CGNL1: variants seen among roughly 807,000 people sequenced by gnomAD.
CGNL1 encodes the protein cingulin like 1.
CGNL1 carries 132 observed loss-of-function variants against 141.2 expected under a neutral mutation model. The ratio of observed to expected loss-of-function variants is 0.93; its 90% confidence interval spans 0.81 to 1.08. The LOEUF (loss-of-function observed/expected upper bound fraction) is 1.08, where lower values mean the gene tolerates loss of function less well. CGNL1 is among the 50% of genes least tolerant of loss of function. The pLI is 0.00. For missense variants in CGNL1, 1,870 were observed against 1,588.6 expected (o/e 1.18, Z -3.01); for synonymous variants, 690 against 622.1 (o/e 1.11, Z -1.63).
chr15:57,530,642 G>A (rs1448955472), intron 13 of CGNL1, among the ~76,000 whole-genome samples: 2 of 152,166 alleles, frequency 1.3e-5, no homozygotes, highest in Admixed American at 6.6e-5. Context: ...GGAGGCTTCG[G>A]TGCAGGGCCC....
chr15:57,402,550 C>G (rs1403496404), intron 1 of CGNL1: 2 of 152,300 alleles, frequency 1.3e-5, no homozygotes, highest in Non-Finnish European at 2.9e-5. Flanking sequence ...CCCTGGACTG[C>G]TTGCCTCCAC....
At chr15:57,468,176 G>C (rs2063532967) in intron 8 of CGNL1, among the ~76,000 whole-genome samples, 1 of 151,228 alleles carries the variant, frequency 6.6e-6, no homozygotes, top group South Asian at 2.1e-4. Flanking sequence ...TCTACTTGTT[G>C]CAAATGTGTG....
At chr15:57,539,835 T>C (rs145792109) in intron 14 of CGNL1, among the ~76,000 whole-genome samples, 1 of 152,338 alleles carries the variant, frequency 6.6e-6, no homozygotes, top group East Asian at 1.9e-4. Context: ...TCACCTGTTC[T>C]GTGGCTTCCA....
chr15:57,547,799 G>T lies in CGNL1; in HGVS notation c.*309G>T, dbSNP rs920176964. 1.6e-5 allele frequency: 5 copies of T among 307,628 alleles called. No homozygotes were observed. Among genetic ancestry groups the T allele is most frequent in the Admixed American group, 1.0e-4 (2 of 19,962 alleles). The allele number at this position is 307,628 out of a possible 1,614,324, so 19.1% of individuals were successfully genotyped here. On this transcript the variant is annotated 3_prime_UTR_variant, in exon 19 of 19. Transcript: ENST00000281282. ...AGCCACTATTTGCATTGCTGTCCCT[G>T]CCCCCTCATCACTCCCCCTGCCAAG...
intron 1 of CGNL1, among the ~76,000 whole-genome samples, chr15:57,388,174 C>A (rs1031300079): frequency 1.2e-4 from 19 of 152,054 alleles, no homozygotes; most frequent in African/African-American, 4.6e-4. Flanking sequence ...GATTCTGGGG[C>A]CTTAGGGTCT....
chr15:57,533,995 C>T (rs2032107856), intron 14 of CGNL1, among the ~76,000 whole-genome samples: 1 of 152,226 alleles, frequency 6.6e-6, no homozygotes, highest in Non-Finnish European at 1.5e-5. Flanking sequence ...GAGTCCCAGC[C>T]TCTCTGAGCT....
chr15:57,425,766 T>A (rs1196804171), intron 1 of CGNL1, among the ~76,000 whole-genome samples: 3 of 150,702 alleles, frequency 2.0e-5, no homozygotes, highest in Middle Eastern at 3.4e-3. Flanking sequence ...AAAATCCGCA[T>A]TCATATGAAT....
chr15:57,507,562 G>T (rs537954795), intron 8 of CGNL1, among the ~76,000 whole-genome samples: 1 of 152,154 alleles, frequency 6.6e-6, no homozygotes, highest in Non-Finnish European at 1.5e-5. Flanking sequence ...CTTTTAGGTG[G>T]TTCTATAAGC....
intron 8 of CGNL1, among the ~76,000 whole-genome samples, chr15:57,471,948 T>C (rs1258283320): frequency 3.3e-5 from 5 of 151,956 alleles, no homozygotes; most frequent in Non-Finnish European, 1.5e-5. Context: ...CATGGATAAA[T>C]GTGTGATTTT....
At chr15:57,493,364 G>A (rs2063893291) in intron 8 of CGNL1, among the ~76,000 whole-genome samples, 1 of 152,128 alleles carries the variant, frequency 6.6e-6, no homozygotes, top group Non-Finnish European at 1.5e-5. Context: ...GCTTTCTAGT[G>A]ATGGATGACA....
At chr15:57,488,297 A>G (rs1182468484) in intron 8 of CGNL1, among the ~76,000 whole-genome samples, 3 of 152,112 alleles carry the variant, frequency 2.0e-5, no homozygotes, top group African/African-American at 7.2e-5. Context: ...TCTGGATATC[A>G]GTCTCTTAGT....
intron 14 of CGNL1, among the ~76,000 whole-genome samples, chr15:57,534,775 A>G (rs764514157): frequency 1.3e-4 from 20 of 152,218 alleles, no homozygotes; most frequent in Non-Finnish European, 2.6e-4. Context: ...AACCCAAGTA[A>G]TAACATCGGC....
At position 57,543,750 on chromosome 15, in the gene CGNL1, G is replaced by C; in HGVS notation, c.3346G>C (p.Glu1116Gln). The part of the protein sequence containing the change: ...LQERAARQDL[E>Q]CDKISLERQN... ...GGAGAGAGCTGCGAGACAAGACTTGGAGTGCGACAAGATTTCCCTGGAGAG... is the reference window on the plus strand; with the variant it reads ...GGAGAGAGCTGCGAGACAAGACTTGCAGTGCGACAAGATTTCCCTGGAGAG... The change falls in exon 15 of 19, where the codon GAG becomes CAG. Residue 1116 changes from glutamate (E) to glutamine (Q), a missense_variant. Transcript: ENST00000281282. The C allele has an allele frequency of 1.2e-6, 2 of 1,614,100 alleles. No homozygotes were observed. Among genetic ancestry groups the C allele is most frequent in the East Asian group, 2.2e-5 (1 of 44,884 alleles).
At chr15:57,521,420 T>A (rs2031247135) in intron 10 of CGNL1, among the ~76,000 whole-genome samples, 1 of 152,148 alleles carries the variant, frequency 6.6e-6, no homozygotes, top group African/African-American at 2.4e-5. Context: ...GCTTGGTGAT[T>A]CTAACATAAG....
At chr15:57,453,508 G>A (rs1464948768) in intron 6 of CGNL1, among the ~76,000 whole-genome samples, 175 bp from the exon 7 acceptor site, 2 of 152,176 alleles carry the variant, frequency 1.3e-5, no homozygotes, top group African/African-American at 4.8e-5. Flanking sequence ...CATAGCCTAA[G>A]TTCTTCTCAG....
intron 1 of CGNL1, among the ~76,000 whole-genome samples, chr15:57,380,757 G>A (rs1251386408): frequency 6.6e-6 from 1 of 152,166 alleles, no homozygotes; most frequent in Non-Finnish European, 1.5e-5. Flanking sequence ...ACTGAACAGG[G>A]GTACTTCCTG....
chr15:57,523,390 G>C, intron 10 of CGNL1, 99 bp from the exon 11 acceptor site: 1 of 978,396 alleles, frequency 1.0e-6, no homozygotes, highest in Non-Finnish European at 1.6e-6. Flanking sequence ...TAACAGATCT[G>C]ATTGCTTTGC....
At chr15:57,466,214 C>G (rs544419964) in intron 8 of CGNL1, among the ~76,000 whole-genome samples, 1 of 152,256 alleles carries the variant, frequency 6.6e-6, no homozygotes, top group Non-Finnish European at 1.5e-5. Flanking sequence ...GCTTTTTTCT[C>G]TGTTTCTGGT....
chr15:57,428,164 G>C (rs28680224), intron 1 of CGNL1, among the ~76,000 whole-genome samples: 87,519 of 152,140 alleles, frequency 0.58, 25,483 homozygotes, highest in Non-Finnish European at 0.63. Context: ...GCTTGTCTTG[G>C]TGGCACACCA....
Sources: gnomAD v4.1 joint callset for allele counts (sites outside exome capture counted in the v4.1 genomes callset) on GRCh38, gnomAD v4.1.1 for gene constraint, MANE v1.5 for transcripts, NCBI Gene and HGNC (gene_info 2026-07-23, HGNC 2026-07-21) for gene names.